CTNNA3: variants seen among roughly 807,000 people sequenced by gnomAD.
CTNNA3 encodes the protein catenin alpha-3.
A neutral mutation model predicts 95.7 loss-of-function variants in CTNNA3; 76 were observed. The observed-to-expected ratio is 0.79, with a 90% CI of 0.66 to 0.96. The LOEUF (loss-of-function observed/expected upper bound fraction) is 0.96. Among genes scored for constraint, CTNNA3 ranks in the 40% least tolerant of loss-of-function variants. The pLI, the probability that CTNNA3 is intolerant of heterozygous loss-of-function variation, is 0.00. For missense variants in CTNNA3, 1,191 were observed against 1,089.8 expected, an observed-to-expected ratio of 1.09 and a Z score of -1.31; for synonymous variants, 431 against 374.4, an observed-to-expected ratio of 1.15 and a Z score of -1.74.
intron 1 of CTNNA3, among the ~76,000 whole-genome samples, chr10:67,705,966 C>T (rs1473206449): frequency 6.6e-6 from 1 of 152,020 alleles, no homozygotes; most frequent in East Asian, 1.9e-4. Flanking sequence ...GAAGTGCAGA[C>T]TTCTGCCTTT....
At chr10:66,838,947 T>C (rs958411526) in intron 7 of CTNNA3, among the ~76,000 whole-genome samples, 15 of 152,192 alleles carry the variant, frequency 9.9e-5, no homozygotes, top group Non-Finnish European at 1.9e-4. Flanking sequence ...CCAAAGCCTA[T>C]CACTATTTCA....
At chr10:66,486,203 A>G (rs1839719553) in intron 11 of CTNNA3, among the ~76,000 whole-genome samples, 1 of 152,196 alleles carries the variant, frequency 6.6e-6, no homozygotes, top group Non-Finnish European at 1.5e-5. Context: ...AAATATAAAA[A>G]TGGGATTACA....
intron 13 of CTNNA3, among the ~76,000 whole-genome samples, chr10:66,106,369 G>GTGTA (rs1326003541): frequency 1.8e-4 from 23 of 130,210 alleles, no homozygotes; most frequent in African/African-American, 6.0e-4. Flanking sequence ...GTGTGTGTGT[G>GTGTA]TGTGTGTGTT....
chr10:66,094,739 T>A (rs2081328503), intron 14 of CTNNA3, among the ~76,000 whole-genome samples: 1 of 152,176 alleles, frequency 6.6e-6, no homozygotes, highest in Non-Finnish European at 1.5e-5. Flanking sequence ...AGAGTTGAGC[T>A]CAGAATGAAT....
At chr10:67,547,425 A>C (rs912362391) in intron 3 of CTNNA3, among the ~76,000 whole-genome samples, 1 of 152,236 alleles carries the variant, frequency 6.6e-6, no homozygotes, top group Non-Finnish European at 1.5e-5. Flanking sequence ...GTTAAGTAAT[A>C]AAGTAGAATT....
At chr10:66,478,341 G>GAAAAAACA in intron 11 of CTNNA3, among the ~76,000 whole-genome samples, 1 of 151,920 alleles carries the variant, frequency 6.6e-6, no homozygotes, top group Non-Finnish European at 1.5e-5. Context: ...ATTGCAAACA[G>GAAAAAACA]ATTTTACACT....
chr10:66,533,923 T>A lies in CTNNA3; in HGVS notation c.1375-13150A>T, dbSNP rs150156335. 2.6e-3 allele frequency among the ~76,000 whole-genome samples: 398 copies of A among 152,180 alleles called. 7 individuals are homozygous for A. The highest frequency in any genetic ancestry group is 0.018 in the Admixed American group (277 of 15,274). ...CCATCCTTACAAAAGAGTTAAAAAA[T>A]TTTTTAATGTACGTATCATTTTATT... On this transcript the variant is annotated intron_variant, in intron 10 of 17. Transcript: ENST00000433211.
chr10:67,504,451 A>AAAAC (rs1554845820), intron 5 of CTNNA3, among the ~76,000 whole-genome samples: 3 of 143,532 alleles, frequency 2.1e-5, no homozygotes, highest in African/African-American at 7.7e-5. Context: ...AAAAAAAAAA[A>AAAAC]AAAAAAAAAC....
chr10:66,058,991 C>T (rs2080140533), intron 15 of CTNNA3, among the ~76,000 whole-genome samples: 1 of 152,082 alleles, frequency 6.6e-6, no homozygotes, highest in South Asian at 2.1e-4. Flanking sequence ...TGTGATGTTT[C>T]AGGGGCACCT....
At chr10:67,356,563 G>C (rs1842815909) in intron 5 of CTNNA3, among the ~76,000 whole-genome samples, 1 of 152,016 alleles carries the variant, frequency 6.6e-6, no homozygotes, top group Admixed American at 6.6e-5. Flanking sequence ...ATTTCATGGT[G>C]ATCTGGACCT....
chr10:66,926,331 A>T, intron 7 of CTNNA3: 1 of 581,818 alleles, frequency 1.7e-6, no homozygotes, highest in Non-Finnish European at 3.1e-6. Flanking sequence ...ATATCCATGA[A>T]GATCCTATTA....
chr10:67,146,901 T>C (rs891641739), intron 7 of CTNNA3, among the ~76,000 whole-genome samples: 2 of 152,196 alleles, frequency 1.3e-5, no homozygotes, highest in Admixed American at 6.5e-5. Flanking sequence ...ATGTTACCAT[T>C]GCCTACAGTA....
intron 7 of CTNNA3, among the ~76,000 whole-genome samples, chr10:66,949,501 T>C (rs948460151): frequency 6.6e-6 from 1 of 151,526 alleles, no homozygotes; most frequent in African/African-American, 2.4e-5. Context: ...GAGGTTGCAG[T>C]GAGCCAAGAT....
intron 9 of CTNNA3, among the ~76,000 whole-genome samples, chr10:66,744,733 C>A (rs1849445105): frequency 6.6e-6 from 1 of 152,032 alleles, no homozygotes; most frequent in Admixed American, 6.6e-5. Flanking sequence ...AATCCATACC[C>A]CTAAAATAAA....
chr10:66,854,667 G>A lies in CTNNA3; in HGVS notation c.1048-79143C>T, dbSNP rs191895170. Among the ~76,000 whole-genome samples, 9 of 151,966 alleles carry A rather than the reference G, an allele frequency of 5.9e-5. No individual in the cohort carries two copies. In the East Asian group the frequency reaches 1.5e-3, roughly 26 times the overall value. On this transcript the variant is annotated intron_variant, in intron 7 of 17. Coordinates refer to ENST00000433211, the MANE Select transcript of CTNNA3 (RefSeq NM_013266.4). ...GAGTAAATTAAATTGACTGACAAGGGCATTTCACAAACTGACAGGTATGCA... is the reference window on the plus strand; with the variant it reads ...GAGTAAATTAAATTGACTGACAAGGACATTTCACAAACTGACAGGTATGCA...
chr10:66,636,269 T>C (rs754157535), intron 9 of CTNNA3, among the ~76,000 whole-genome samples: 3 of 151,996 alleles, frequency 2.0e-5, no homozygotes, highest in Non-Finnish European at 4.4e-5. Context: ...TTAGGCCCTT[T>C]AACGTTAGCA....
intron 15 of CTNNA3, among the ~76,000 whole-genome samples, chr10:66,039,455 T>C (rs1047486505): frequency 2.0e-5 from 3 of 152,114 alleles, no homozygotes; most frequent in African/African-American, 7.2e-5. Context: ...GCTGGAGGCA[T>C]AGACTACCCA....
intron 5 of CTNNA3, among the ~76,000 whole-genome samples, chr10:67,336,274 C>A (rs946719400): frequency 1.3e-5 from 2 of 152,092 alleles, no homozygotes; most frequent in Admixed American, 6.6e-5. Context: ...ATGAAAGAAA[C>A]TGTAGCAGGT....
At position 65,914,650 on chromosome 10, in the gene CTNNA3, A is replaced by C. The variant is rs1054484234; in HGVS notation, c.*5680T>G. The C allele has an allele frequency of 6.6e-6, 1 of 152,182 alleles. No homozygotes were observed. Among genetic ancestry groups the C allele is most frequent in the Non-Finnish European group, 1.5e-5 (1 of 68,040 alleles). 9.4% of individuals were successfully genotyped at this position (152,182 alleles called of 1,614,324 possible). A position where few individuals can be genotyped will look rare whatever the true frequency, so the allele number is the denominator to read the frequency against. ...ATAATTTTAAACACAGTCACATGTT[A>C]GCAGTAAAAGAGGAAAGGATTGGTG... On this transcript the variant is annotated 3_prime_UTR_variant, in exon 18 of 18. Coordinates refer to ENST00000433211, the MANE Select transcript of CTNNA3 (RefSeq NM_013266.4).
Sources: allele counts gnomAD v4.1 joint callset (sites outside exome capture counted in the v4.1 genomes callset), GRCh38; gene constraint gnomAD v4.1.1; transcripts MANE v1.5; gene names NCBI Gene and HGNC (gene_info 2026-07-23, HGNC 2026-07-21).